PCNT: variants seen among roughly 807,000 people sequenced by gnomAD.
PCNT encodes kendrin.
In PCNT, 319 loss-of-function variants were observed where a neutral mutation model predicts 380.4. That is an observed-to-expected ratio of 0.84 (90% CI 0.77 to 0.92). The LOEUF is 0.92. PCNT is among the 40% of genes least tolerant of loss of function. PCNT has a pLI of 0.00. For missense variants in PCNT, 4,400 were observed against 4,255.3 expected, an observed-to-expected ratio of 1.03 and a Z score of -0.95; for synonymous variants, 1,845 against 1,735.2, an observed-to-expected ratio of 1.06 and a Z score of -1.57.
rs530752009 is a variant in PCNT, at chr21:46,399,580, G to A, written c.4585-10G>A. ...CTATTGTATTCCTCAAGCATTTTTT[G>A]TTGTTTTAGGTTGAGTTGTTACAAC... On this transcript the variant is annotated splice_polypyrimidine_tract_variant and intron_variant, in intron 24 of 46. Transcript: ENST00000359568. The A allele has an allele frequency of 3.1e-6, 5 of 1,594,076 alleles. 1 individual carries two copies. The highest frequency in any genetic ancestry group is 3.3e-5 in the Admixed American group (2 of 59,874).
intron 31 of PCNT, among the ~76,000 whole-genome samples, chr21:46,421,236 G>A (rs1014415701): frequency 6.6e-6 from 1 of 152,236 alleles, no homozygotes; most frequent in African/African-American, 2.4e-5. Flanking sequence ...GTGCCCAAGT[G>A]CTGCAGCCTC....
intron 27 of PCNT, among the ~76,000 whole-genome samples, chr21:46,407,968 A>G (rs143704419): frequency 2.2e-4 from 34 of 152,260 alleles, no homozygotes; most frequent in African/African-American, 7.9e-4. Context: ...GTCATTGATT[A>G]TAGATACTTA....
rs879391669 is a variant in PCNT, at chr21:46,445,634, A to G, written c.*307A>G. 1.2e-4 allele frequency: 50 copies of G among 415,704 alleles called. No homozygotes were observed. The highest frequency in any genetic ancestry group is 3.0e-4 in the African/African-American group (15 of 50,430). The allele number at this position is 415,704 out of a possible 1,614,324, so 25.8% of individuals were successfully genotyped here. ...CGGCAGATCCATCCTTCCTGCCTCC[A>G]AGGAGGATACACAGAGAATGGCTTC... On this transcript the variant is annotated 3_prime_UTR_variant, in exon 47 of 47. Coordinates refer to ENST00000359568, the MANE Select transcript of PCNT (RefSeq NM_006031.6).
At chr21:46,324,833 C>T (rs953125398) in intron 1 of PCNT, 3 of 972,706 alleles carry the variant, frequency 3.1e-6, no homozygotes, top group African/African-American at 3.5e-5. Flanking sequence ...AGCGCCTCCC[C>T]AGGGTGCGCC....
At chr21:46,427,555 C>A (rs1031883068) in intron 33 of PCNT, 67 bp from the exon 34 acceptor site, 27 of 1,594,460 alleles carry the variant, frequency 1.7e-5, no homozygotes, top group Non-Finnish European at 2.3e-5. Context: ...AGTCACACTG[C>A]GAACTTTAGG....
In PCNT at chr21:46,427,729, CAG is replaced by C. The variant is rs2087568378; in HGVS notation, c.7429_7430del (p.Ser2477TrpfsTer20). On this transcript the variant is annotated frameshift_variant, in exon 34 of 47. Transcript: ENST00000359568. LOFTEE classifies it high-confidence loss of function. ...MQGVELQPRL[S>X]GSDLGGHSSL... Reference sequence around the variant, plus strand: ...AGGGGGTTGAGCTGCAGCCCCGACTCAGTGGCTCAGATCTGGGGGGTCACAGC... The same window carrying C: ...AGGGGGTTGAGCTGCAGCCCCGACTCTGGCTCAGATCTGGGGGGTCACAGC... 3 of 1,613,696 alleles carry C rather than the reference CAG, an allele frequency of 1.9e-6. No homozygotes were observed. The highest frequency in any genetic ancestry group is 2.7e-5 in the African/African-American group (2 of 74,922).
At chr21:46,421,893 T>C in intron 31 of PCNT, 77 bp from the exon 32 acceptor site, 1 of 1,540,610 alleles carries the variant, frequency 6.5e-7, no homozygotes, top group Non-Finnish European at 8.9e-7. Flanking sequence ...ATCACCCCTG[T>C]CCTGCCTCTG....
chr21:46,392,372 A>G (rs930802268), intron 21 of PCNT, among the ~76,000 whole-genome samples: 7 of 152,100 alleles, frequency 4.6e-5, no homozygotes, highest in African/African-American at 1.4e-4. Context: ...GGTGAGCACC[A>G]CCACACCTGG....
At chr21:46,337,341 A>T (rs866375962) in intron 3 of PCNT, among the ~76,000 whole-genome samples, 1 of 152,144 alleles carries the variant, frequency 6.6e-6, no homozygotes, top group Non-Finnish European at 1.5e-5. Context: ...TTAGCAACCC[A>T]CATCATATAA....
At position 46,439,747 on chromosome 21, in the gene PCNT, G is replaced by A. The variant is rs935065038; in HGVS notation, c.9274-336G>A. Reference sequence around the variant, plus strand: ...ACCAGTGGTTGGCATTTCTAGGACCGGAGAATATGAGAGTGTTTAAGGCTT... The same window carrying A: ...ACCAGTGGTTGGCATTTCTAGGACCAGAGAATATGAGAGTGTTTAAGGCTT... On this transcript the variant is annotated intron_variant, in intron 41 of 46. Coordinates refer to ENST00000359568, the MANE Select transcript of PCNT (RefSeq NM_006031.6). Among the ~76,000 whole-genome samples, 5 of 152,272 alleles carry A rather than the reference G, an allele frequency of 3.3e-5. No homozygotes were observed. The East Asian group carries it at 9.6e-4, about 29-fold the overall frequency.
rs1292348175 is a variant in PCNT at position 46,416,726 on chromosome 21, C to T, written c.6808C>T (p.Gln2270Ter). The T allele has an allele frequency of 1.3e-6, 2 of 1,586,542 alleles. No homozygotes were observed. Among genetic ancestry groups the T allele is most frequent in the Non-Finnish European group, 1.7e-6 (2 of 1,164,096 alleles). ...GGACAGGGCGGACACCTCGCTGCCA[C>T]AGACCCAGGGGCCGGGGCTGCTTTG... ...LGDRADTSLP[Q>*]TQGPGLLCSP... The change falls in exon 30 of 47, where the codon CAG (glutamine) becomes TAG (stop). Residue 2270 changes from glutamine (Q) to a stop codon, truncating the protein, a stop_gained. Transcript: ENST00000359568. LOFTEE classifies it high-confidence loss of function.
intron 15 of PCNT, among the ~76,000 whole-genome samples, chr21:46,380,705 C>T (rs550606106): frequency 2.0e-5 from 3 of 152,292 alleles, no homozygotes; most frequent in African/African-American, 7.2e-5. Flanking sequence ...TTTCCATAAA[C>T]ACTCTTCGGA....
chr21:46,419,354 A>G (rs1235364541), intron 31 of PCNT, among the ~76,000 whole-genome samples: 1 of 152,164 alleles, frequency 6.6e-6, no homozygotes, highest in African/African-American at 2.4e-5. Context: ...TCAGGACTGC[A>G]GCTCCCTGGG....
intron 4 of PCNT, 69 bp downstream of exon 4, chr21:46,346,277 C>T: frequency 2.7e-6 from 2 of 728,898 alleles, no homozygotes; most frequent in South Asian, 2.7e-5. Flanking sequence ...CAGTGGGCAT[C>T]CGGGTGGGGG....
intron 2 of PCNT, among the ~76,000 whole-genome samples, chr21:46,331,439 C>T (rs2083557847): frequency 6.6e-6 from 1 of 152,256 alleles, no homozygotes; most frequent in Non-Finnish European, 1.5e-5. Flanking sequence ...GGCTCTGTTG[C>T]CTTACAATTT....
At chr21:46,367,538 C>T (rs891789468) in intron 15 of PCNT, among the ~76,000 whole-genome samples, 1 of 152,140 alleles carries the variant, frequency 6.6e-6, no homozygotes, top group African/African-American at 2.4e-5. Flanking sequence ...GAACTCCTGA[C>T]TTCAGGCGAT....
rs2086246106 is a variant in PCNT at position 46,397,442 on chromosome 21, A to T, written c.4394A>T (p.Gln1465Leu). 3.7e-6 allele frequency: 6 copies of T among 1,614,208 alleles called. No individual in the cohort carries two copies. The highest frequency in any genetic ancestry group is 1.3e-5 in the African/African-American group (1 of 75,076). The change falls in exon 22 of 47, where the codon CAG (glutamine) becomes CTG (leucine). Residue 1465 changes from glutamine (Q) to leucine (L), a missense_variant. Gln to Leu is a moderately radical substitution (Grantham distance 113). Transcript: ENST00000359568. ...GCGGAGGCCGTCACTGCCCTGGAACAGCAGGTGGCATCTCTGGACAAGCAT... is the reference window on the plus strand; with the variant it reads ...GCGGAGGCCGTCACTGCCCTGGAACTGCAGGTGGCATCTCTGGACAAGCAT... ...KQAEAVTALE[Q>L]QVASLDKHLR...
rs8128918 is a variant in PCNT, at chr21:46,335,729, A to G, written c.639+961A>G. ...TTAAATAGAGACGGAGTCTTGCTCT[A>G]TTGCCCAGGCTGGTGGTGCGATCTT... On this transcript the variant is annotated intron_variant, in intron 3 of 46. Coordinates refer to ENST00000359568, the MANE Select transcript of PCNT (RefSeq NM_006031.6). Among the ~76,000 whole-genome samples the G allele has an allele frequency of 8.9e-3, 1,221 of 136,478 alleles. 8 individuals carry two copies. The highest frequency in any genetic ancestry group is 0.014 in the Non-Finnish European group (898 of 64,874). The allele number at this position is 136,478 out of a possible 152,430, so 89.5% of individuals were successfully genotyped here. A position where few individuals can be genotyped will look rare whatever the true frequency, so the allele number is the denominator to read the frequency against.
chr21:46,440,290 A>T, intron 42 of PCNT, 88 bp downstream of exon 42: 1 of 1,428,442 alleles, frequency 7.0e-7, no homozygotes, highest in Admixed American at 1.7e-5. Flanking sequence ...TGTGACCACA[A>T]GGTTCTCGTC....
Sources: gnomAD v4.1 joint callset for allele counts (sites outside exome capture counted in the v4.1 genomes callset) on GRCh38, gnomAD v4.1.1 for gene constraint, MANE v1.5 for transcripts, NCBI Gene and HGNC (gene_info 2026-07-23, HGNC 2026-07-21) for gene names.